The following PKIB variants were observed in gnomAD, a reference collection of about 807,000 sequenced individuals.
PKIB encodes PKI-beta.
Under a neutral mutation model 4.5 loss-of-function variants are expected in PKIB, and 2 were observed. The ratio of observed to expected loss-of-function variants is 0.44; its 90% CI spans 0.18 to 1.39. PKIB has a LOEUF of 1.39. Ranked by LOEUF, PKIB falls within the 40% of genes most tolerant of loss-of-function variation. The pLI is 0.27. For synonymous variants in PKIB, 38 were observed against 36.0 expected, an observed-to-expected ratio of 1.06 and a Z score of -0.20; for missense variants, 94 against 92.6, an observed-to-expected ratio of 1.02 and a Z score of -0.06.
chr6:122,529,617 G>T (rs1197014078), intron 2 of PKIB, among the ~76,000 whole-genome samples: 1 of 152,122 alleles, frequency 6.6e-6, no homozygotes, highest in Non-Finnish European at 1.5e-5. Context: ...AGGTCGAGTG[G>T]TAATGAACTC....
chr6:122,517,343 T>TA (rs542051327), intron 2 of PKIB, among the ~76,000 whole-genome samples: 1 of 152,230 alleles, frequency 6.6e-6, no homozygotes, highest in Non-Finnish European at 1.5e-5. Context: ...TGTTCTTTTA[T>TA]AAGTCTAATG....
chr6:122,599,237 G>A (rs1002545712), intron 3 of PKIB, among the ~76,000 whole-genome samples: 2 of 152,154 alleles, frequency 1.3e-5, no homozygotes, highest in Non-Finnish European at 2.9e-5. Context: ...GGTCAGGAAG[G>A]GGATGTTGCC....
chr6:122,717,143 G>A (rs370636597), intron 3 of PKIB, among the ~76,000 whole-genome samples: 2 of 152,148 alleles, frequency 1.3e-5, no homozygotes, highest in East Asian at 3.9e-4. Context: ...GGGAGATAAA[G>A]GGTGCTTAGG....
intron 3 of PKIB, among the ~76,000 whole-genome samples, chr6:122,707,645 A>G (rs554947052): frequency 6.6e-6 from 1 of 152,288 alleles, no homozygotes; most frequent in East Asian, 1.9e-4. Context: ...TAATGTTAAC[A>G]TTCAAGAAAA....
chr6:122,562,420 A>T (rs1196045996), intron 2 of PKIB, among the ~76,000 whole-genome samples: 1 of 152,152 alleles, frequency 6.6e-6, no homozygotes, highest in Non-Finnish European at 1.5e-5. Flanking sequence ...GGATAATCTG[A>T]TGACAAAGTG....
At chr6:122,691,048 C>A (rs953438850) in intron 3 of PKIB, among the ~76,000 whole-genome samples, 18 of 151,384 alleles carry the variant, frequency 1.2e-4, no homozygotes, top group African/African-American at 4.1e-4. Flanking sequence ...GAAAACCCTG[C>A]TGCCAGACAT....
At chr6:122,659,926 T>C (rs559626095) in intron 2 of PKIB, among the ~76,000 whole-genome samples, 4 of 152,084 alleles carry the variant, frequency 2.6e-5, no homozygotes, top group Non-Finnish European at 5.9e-5. Context: ...AGAATGACAG[T>C]GCACAATAGA....
intron 2 of PKIB, among the ~76,000 whole-genome samples, chr6:122,530,637 T>A (rs972308028): frequency 6.6e-6 from 1 of 152,182 alleles, no homozygotes; most frequent in Non-Finnish European, 1.5e-5. Flanking sequence ...TTTTATGATC[T>A]CTGGCTCTCT....
chr6:122,564,079 C>T (rs999404979), intron 2 of PKIB, among the ~76,000 whole-genome samples: 15 of 152,142 alleles, frequency 9.9e-5, no homozygotes, highest in African/African-American at 2.7e-4. Flanking sequence ...CAGGTAAGGT[C>T]GGAAACTTCT....
At chr6:122,680,124 T>G (rs1018153605) in intron 3 of PKIB, among the ~76,000 whole-genome samples, 2 of 152,136 alleles carry the variant, frequency 1.3e-5, no homozygotes, top group African/African-American at 4.8e-5. Flanking sequence ...TGCTGAAAAA[T>G]CAATTCACAA....
intron 3 of PKIB, among the ~76,000 whole-genome samples, chr6:122,696,967 C>G (rs1778602579): frequency 6.6e-6 from 1 of 152,146 alleles, no homozygotes; most frequent in East Asian, 1.9e-4. Flanking sequence ...TAAACACCAC[C>G]TGACCCTGAA....
At chr6:122,508,825 A>T (rs1776499805) in intron 2 of PKIB, among the ~76,000 whole-genome samples, 1 of 151,676 alleles carries the variant, frequency 6.6e-6, no homozygotes, top group South Asian at 2.1e-4. Flanking sequence ...ATCTCGACTC[A>T]CTGCAAGCTC....
At chr6:122,516,352 C>T (rs1776752917) in intron 2 of PKIB, among the ~76,000 whole-genome samples, 1 of 152,114 alleles carries the variant, frequency 6.6e-6, no homozygotes, top group African/African-American at 2.4e-5. Context: ...CATAGGAGAC[C>T]TAAAGGTAAA....
chr6:122,590,860 A>G (rs1164900194), intron 3 of PKIB, among the ~76,000 whole-genome samples: 1 of 152,170 alleles, frequency 6.6e-6, no homozygotes, highest in Non-Finnish European at 1.5e-5. Flanking sequence ...CCCTCTGCCC[A>G]CAAAGGGTAA....
Position 122,594,343 on chromosome 6 carries a change from A to T in PKIB, c.-161+8336A>T, listed in dbSNP as rs1774107743. On this transcript the variant is annotated intron_variant, in intron 3 of 6. Transcript: ENST00000392491. ...CTGCCTCAGCCTCCCGAAAGCTGAG[A>T]TTACAGGCGTGCGCCACCATGCCCA... Among the ~76,000 whole-genome samples the T allele has an allele frequency of 2.0e-5, 3 of 151,808 alleles. No homozygotes were observed. In the South Asian group the frequency reaches 6.2e-4, roughly 32 times the overall value.
rs559349322 is a variant in PKIB, at chr6:122,663,311, G to A, written c.-75-11767G>A. Among the ~76,000 whole-genome samples, 111 of 152,216 alleles carry A rather than the reference G, an allele frequency of 7.3e-4. 1 individual carries two copies. Among genetic ancestry groups the A allele is most frequent in the African/African-American group, 2.4e-3 (101 of 41,534 alleles). Reference sequence around the variant, plus strand: ...GCTCTAATTTAAAAAAGATGAATCCGAGAAAATGTAACCTGAAAGAAGAGC... The same window carrying A: ...GCTCTAATTTAAAAAAGATGAATCCAAGAAAATGTAACCTGAAAGAAGAGC... On this transcript the variant is annotated intron_variant, in intron 2 of 4. Transcript: ENST00000368452.
At chr6:122,583,196 A>G (rs1231077364) in intron 2 of PKIB, among the ~76,000 whole-genome samples, 1 of 152,082 alleles carries the variant, frequency 6.6e-6, no homozygotes, top group Non-Finnish European at 1.5e-5. Flanking sequence ...GAAACAATAG[A>G]GCATTTAATA....
intron 2 of PKIB, chr6:122,531,398 A>C (rs1777256395): frequency 6.6e-6 from 1 of 152,206 alleles, no homozygotes; most frequent in Non-Finnish European, 1.5e-5. Context: ...TGATTTCATC[A>C]TTGTAGTTAC....
At chr6:122,527,323 T>G (rs1461777797) in intron 2 of PKIB, among the ~76,000 whole-genome samples, 1 of 152,106 alleles carries the variant, frequency 6.6e-6, no homozygotes, top group Non-Finnish European at 1.5e-5. Context: ...TTTTTTTTTG[T>G]TTTTGCATTC....
Sources: gnomAD v4.1 joint callset for allele counts (sites outside exome capture counted in the v4.1 genomes callset) on GRCh38, gnomAD v4.1.1 for gene constraint, MANE v1.5 for transcripts, NCBI Gene and HGNC (gene_info 2026-07-23, HGNC 2026-07-21) for gene names.